Variants in ECD observed in about 807,000 individuals in gnomAD.
ECD encodes ecdysoneless cell cycle regulator.
A neutral mutation model predicts 77.2 loss-of-function variants in ECD; 59 were observed. The observed-to-expected ratio is 0.76, with a 90% CI of 0.62 to 0.95. ECD has a LOEUF of 0.95. Among genes scored for constraint, ECD ranks in the 40% least tolerant of loss-of-function variants. ECD has a pLI of 0.00. For synonymous variants in ECD, 233 were observed against 267.4 expected, an observed-to-expected ratio of 0.87 and a Z score of 1.26; for missense variants, 704 against 763.4, an observed-to-expected ratio of 0.92 and a Z score of 0.92.
chr10:73,165,501 G>A (rs1843444430), intron 1 of ECD, among the ~76,000 whole-genome samples: 1 of 151,766 alleles, frequency 6.6e-6, no homozygotes, highest in African/African-American at 2.4e-5. Context: ...ATAGGCGCAC[G>A]CCACCACACC....
intron 7 of ECD, among the ~76,000 whole-genome samples, chr10:73,148,869 G>A (rs950747080): frequency 6.6e-6 from 1 of 151,966 alleles, no homozygotes. Context: ...ATTCAAACAG[G>A]GAGCTTCCCT....
At chr10:73,141,082 T>C (rs1843050326) in intron 9 of ECD, among the ~76,000 whole-genome samples, 1 of 152,126 alleles carries the variant, frequency 6.6e-6, no homozygotes, top group African/African-American at 2.4e-5. Flanking sequence ...GTAATAATCC[T>C]GTTTTACAGA....
chr10:73,150,854 A>G (rs1348645915), intron 7 of ECD, among the ~76,000 whole-genome samples: 3 of 152,238 alleles, frequency 2.0e-5, no homozygotes, highest in Non-Finnish European at 2.9e-5. Context: ...TAGAATGGCG[A>G]TCATTAAAAA....
At chr10:73,139,216 CAAAAAAA>C in intron 11 of ECD, 86 bp downstream of exon 11, 1 of 1,065,082 alleles carries the variant, frequency 9.4e-7, no homozygotes, top group Non-Finnish European at 1.3e-6. Context: ...CTCATTTACT[CAAAAAAA>C]AAAAAAAAAA....
chr10:73,134,082 A>G lies in ECD; in HGVS notation c.*501T>C, dbSNP rs1037380250. The G allele has an allele frequency of 1.3e-5, 2 of 153,780 alleles. No homozygotes were observed. Among genetic ancestry groups the G allele is most frequent in the African/African-American group, 4.8e-5 (2 of 41,444 alleles). 9.5% of individuals were successfully genotyped at this position (153,780 alleles called of 1,614,324 possible). On this transcript the variant is annotated 3_prime_UTR_variant, in exon 14 of 14. Coordinates refer to ENST00000372979, the MANE Select transcript of ECD (RefSeq NM_007265.3). ...CAATATAGCTGTTATTTACAAGTAA[A>G]TAAGTTCTATATCTTGCTTCAGGTA...
chr10:73,145,933 G>A (rs1490438195), intron 9 of ECD, among the ~76,000 whole-genome samples: 2 of 152,068 alleles, frequency 1.3e-5, no homozygotes, highest in South Asian at 2.1e-4. Context: ...GTGAGCCACC[G>A]CGCCTGGCCA....
intron 12 of ECD, among the ~76,000 whole-genome samples, chr10:73,137,154 T>TA (rs112496403): frequency 0.16 from 23,775 of 151,078 alleles, 3,116 homozygotes; most frequent in African/African-American, 0.34. Flanking sequence ...AGATTTAGCT[T>TA]AAAAAAAAGT....
chr10:73,139,729 G>A lies in ECD; in HGVS notation c.1136C>T (p.Ala379Val), dbSNP rs756603743. 1 of 1,592,224 alleles carries A rather than the reference G, an allele frequency of 6.3e-7. No individual in the cohort carries two copies. The highest frequency in any genetic ancestry group is 8.6e-7 in the Non-Finnish European group (1 of 1,168,704). The change falls in exon 10 of 14, where the codon GCT (alanine) becomes GTT (valine). Residue 379 changes from alanine to valine, a missense_variant. Ala to Val is a moderately conservative substitution (Grantham distance 64). This residue lies in a region of ECD where 559 missense variants were observed against 583.7 expected (regional missense o/e 0.96). Transcript: ENST00000372979. ...LSVDWPESSLAMSPGEEILTL... is the reference protein window; with the variant it reads ...LSVDWPESSLVMSPGEEILTL... ...TAAGATTTCTTCACCAGGGCTCATA[G>A]CAAGAGAACTATGAAAAATAAAAAA...
chr10:73,136,983 T>C (rs1842982217), intron 12 of ECD, 65 bp from the exon 13 acceptor site: 1 of 787,488 alleles, frequency 1.3e-6, no homozygotes, highest in Admixed American at 4.9e-5. Context: ...ATTATTATTA[T>C]TATTTAGTTA....
At position 73,160,494 on chromosome 10, in the gene ECD, T is replaced by G. The variant is rs549500447; in HGVS notation, c.263A>C (p.Glu88Ala). The G allele has an allele frequency of 6.2e-7, 1 of 1,612,174 alleles. No homozygotes were observed. The highest frequency in any genetic ancestry group is 8.5e-7 in the Non-Finnish European group (1 of 1,179,230). ...VTKFGDNIED[E>A]WFIVYVIKQI... Reference sequence around the variant, plus strand: ...CTTTATTACATAAACAATAAACCATTCATCCTCAATGTTATCCCCAAACTT... The same window carrying G: ...CTTTATTACATAAACAATAAACCATGCATCCTCAATGTTATCCCCAAACTT... Residue 88 changes from glutamate to alanine, a missense_variant, in exon 3 of 14, where the codon GAA (glutamate) becomes GCA (alanine). Transcript: ENST00000372979.
chr10:73,158,133 G>A (rs1043182606), intron 3 of ECD, among the ~76,000 whole-genome samples: 1 of 151,612 alleles, frequency 6.6e-6, no homozygotes, highest in African/African-American at 2.4e-5. Flanking sequence ...GCTAATTTTT[G>A]TATTTTTAGT....
Position 73,146,379 on chromosome 10 carries a change from G to A in ECD, c.1042-18C>T. ...ATCAGTCCCTTAAAAAAAAAAAAAG[G>A]TCTATCAGAACATTACTCACAAGTT... On this transcript the variant is annotated intron_variant, in intron 8 of 13. Coordinates refer to ENST00000372979, the MANE Select transcript of ECD (RefSeq NM_007265.3). 2 of 1,414,770 alleles carry A rather than the reference G, an allele frequency of 1.4e-6. No homozygotes were observed. Among genetic ancestry groups the A allele is most frequent in the Non-Finnish European group, 2.0e-6 (2 of 1,024,894 alleles). 87.6% of individuals were successfully genotyped at this position (1,414,770 alleles called of 1,614,324 possible).
chr10:73,165,312 G>A (rs979388764), intron 1 of ECD, among the ~76,000 whole-genome samples: 7 of 151,846 alleles, frequency 4.6e-5, no homozygotes, highest in African/African-American at 1.7e-4. Context: ...AGTCTCATGG[G>A]ATGGTAGGTA....
chr10:73,163,443 G>T (rs1348667642), intron 2 of ECD, among the ~76,000 whole-genome samples: 1 of 152,144 alleles, frequency 6.6e-6, no homozygotes, highest in Non-Finnish European at 1.5e-5. Flanking sequence ...TAGATACTTA[G>T]ATACATTATG....
Position 73,145,104 on chromosome 10 carries a change from C to G in ECD, c.1127+1172G>C, listed in dbSNP as rs150751101. Among the ~76,000 whole-genome samples, 95 of 152,272 alleles carry G rather than the reference C, an allele frequency of 6.2e-4. 1 individual carries two copies. Among genetic ancestry groups the G allele is most frequent in the African/African-American group, 2.3e-3 (94 of 41,546 alleles). On this transcript the variant is annotated intron_variant, in intron 9 of 13. Coordinates refer to ENST00000372979, the MANE Select transcript of ECD (RefSeq NM_007265.3). ...AATGGCTGGGTGCATTGGCTCACGC[C>G]TGTAATCTCAGCACTTTGGGAGGCC...
intron 6 of ECD, 47 bp from the exon 7 acceptor site, chr10:73,152,468 A>G: frequency 1.3e-6 from 2 of 1,589,200 alleles, no homozygotes; most frequent in South Asian, 1.1e-5. Context: ...TGAAATTAAG[A>G]TTGTGAATAA....
chr10:73,151,037 A>G (rs1843195013), intron 7 of ECD, among the ~76,000 whole-genome samples: 1 of 152,222 alleles, frequency 6.6e-6, no homozygotes, highest in South Asian at 2.1e-4. Context: ...TATATGCCCA[A>G]AGGATTATAA....
chr10:73,138,520 C>T lies in ECD; in HGVS notation c.1422-450G>A, dbSNP rs150396876. On this transcript the variant is annotated intron_variant, in intron 11 of 13. Transcript: ENST00000372979. Reference sequence around the variant, plus strand: ...TTATATCTTTCATCAGGTTCAAGAGCATCAACACTAATAATGATATATTTG... The same window carrying T: ...TTATATCTTTCATCAGGTTCAAGAGTATCAACACTAATAATGATATATTTG... Among the ~76,000 whole-genome samples the T allele has an allele frequency of 1.9e-3, 286 of 152,104 alleles. 3 individuals are homozygous for T. Among genetic ancestry groups the T allele is most frequent in the African/African-American group, 6.5e-3 (271 of 41,522 alleles).
At chr10:73,162,679 G>C (rs1357376894) in intron 2 of ECD, among the ~76,000 whole-genome samples, 1 of 152,138 alleles carries the variant, frequency 6.6e-6, no homozygotes, top group Non-Finnish European at 1.5e-5. Flanking sequence ...AAGATGCCAG[G>C]CTCCTGATCC....
Sources: gnomAD v4.1 joint callset for allele counts (sites outside exome capture counted in the v4.1 genomes callset) on GRCh38, gnomAD v4.1.1 for gene constraint, gnomAD v4.1.1 regional missense constraint, MANE v1.5 for transcripts, NCBI Gene and HGNC (gene_info 2026-07-23, HGNC 2026-07-21) for gene names.